The following PPIF variants were observed in gnomAD, a reference collection of about 807,000 sequenced individuals.
The protein encoded by PPIF is peptidyl-prolyl cis-trans isomerase F, mitochondrial.
PPIF carries 23 observed loss-of-function variants against 20.2 expected under a neutral mutation model. The observed-to-expected ratio is 1.14, with a 90% CI of 0.82 to 1.61. The LOEUF is 1.61. PPIF is among the 40% of genes most tolerant of loss of function. The pLI, the probability that PPIF is intolerant of heterozygous loss-of-function variation, is 0.00. For synonymous variants in PPIF, 113 were observed against 123.1 expected (o/e 0.92, Z 0.54); for missense variants, 287 against 291.6 (o/e 0.98, Z 0.11).
chr10:79,347,514 C>CT lies in PPIF; in HGVS notation c.-34dup. On this transcript the variant is annotated 5_prime_UTR_variant, in exon 1 of 6. Coordinates refer to ENST00000225174, the MANE Select transcript of PPIF (RefSeq NM_005729.4). ...GCGACGTCAGTTTGAGTTCTGTGTT[C>CT]TCCCCGCCCGTGTCCCGCCCGACCC... The CT allele has an allele frequency of 7.8e-7, 1 of 1,284,270 alleles. No individual in the cohort carries two copies. Among genetic ancestry groups the CT allele is most frequent in the East Asian group, 3.2e-5 (1 of 31,306 alleles). 79.6% of individuals were successfully genotyped at this position (1,284,270 alleles called of 1,614,324 possible). A position where few individuals can be genotyped will look rare whatever the true frequency, so the allele number is the denominator to read the frequency against.
At chr10:79,348,393 T>C (rs1466193880) in intron 1 of PPIF, among the ~76,000 whole-genome samples, 1 of 152,162 alleles carries the variant, frequency 6.6e-6, no homozygotes. Context: ...CCCCTAACTC[T>C]GTTTTTGGGT....
chr10:79,347,894 C>T (rs898844851), intron 1 of PPIF, 151 bp downstream of exon 1: 1 of 1,177,908 alleles, frequency 8.5e-7, no homozygotes. Context: ...TGAGAATGGG[C>T]GTCAGAATGA....
chr10:79,352,575 G>A (rs1855997799), intron 5 of PPIF, among the ~76,000 whole-genome samples, 183 bp downstream of exon 5: 1 of 152,244 alleles, frequency 6.6e-6, no homozygotes. Context: ...GGAGAATTGG[G>A]GTTGTTCCTG....
chr10:79,352,266 C>G (rs1343827650), intron 4 of PPIF, 51 bp from the exon 5 acceptor site: 2 of 1,541,468 alleles, frequency 1.3e-6, no homozygotes, highest in East Asian at 4.5e-5. Context: ...AATGCCCTCC[C>G]AGGCAGGTGC....
Position 79,354,278 on chromosome 10 carries a change from A to G in PPIF, c.*436A>G, listed in dbSNP as rs1412170708. The G allele has an allele frequency of 5.7e-6, 1 of 174,824 alleles. No individual in the cohort carries two copies. The highest frequency in any genetic ancestry group is 1.2e-5 in the Non-Finnish European group (1 of 80,984). 10.8% of individuals were successfully genotyped at this position (174,824 alleles called of 1,614,324 possible). A position where few individuals can be genotyped will look rare whatever the true frequency, so the allele number is the denominator to read the frequency against. ...AATTTAATTAACAAGATTGACTAGAAGTGAAACTGCAACACTAACTTCCCC... is the reference window on the plus strand; with the variant it reads ...AATTTAATTAACAAGATTGACTAGAGGTGAAACTGCAACACTAACTTCCCC... On this transcript the variant is annotated 3_prime_UTR_variant, in exon 6 of 6. Transcript: ENST00000225174.
chr10:79,348,520 G>A (rs7916151), intron 1 of PPIF, among the ~76,000 whole-genome samples: 1 of 152,276 alleles, frequency 6.6e-6, no homozygotes, highest in Non-Finnish European at 1.5e-5. Flanking sequence ...TGACTGGCCC[G>A]TATCCCAGGG....
At chr10:79,352,195 TG>T in intron 4 of PPIF, 121 bp from the exon 5 acceptor site, 3 of 851,864 alleles carry the variant, frequency 3.5e-6, no homozygotes, top group Non-Finnish European at 5.7e-6. Flanking sequence ...TCTCCTCTTC[TG>T]GGTCCCAGGA....
intron 5 of PPIF, among the ~76,000 whole-genome samples, chr10:79,352,961 T>C (rs943913283): frequency 6.6e-6 from 1 of 152,268 alleles, no homozygotes; most frequent in Non-Finnish European, 1.5e-5. Flanking sequence ...CTCTAAGGGA[T>C]AAATTTCTCT....
In PPIF at chr10:79,347,713, C is replaced by T. The variant is rs1187965747; in HGVS notation, c.165C>T (p.Asn55=). 2 of 1,452,062 alleles carry T rather than the reference C, an allele frequency of 1.4e-6. No homozygotes were observed. Among genetic ancestry groups the T allele is most frequent in the South Asian group, 1.4e-5 (1 of 69,922 alleles). 89.9% of individuals were successfully genotyped at this position (1,452,062 alleles called of 1,614,324 possible). The change falls in exon 1 of 6, where the codon AAC becomes AAT. Residue 55 remains asparagine, a synonymous_variant. Coordinates refer to ENST00000225174, the MANE Select transcript of PPIF (RefSeq NM_005729.4). ...TCGTGTACCTGGACGTGGACGCCAA[C>T]GGGAAGCCGCTCGGCCGCGTGGTGC... ...NPLVYLDVDA[N]GKPLGRVVLE...
In PPIF at chr10:79,351,443, G is replaced by A. The variant is rs56065461; in HGVS notation, c.316-44G>A. ...TGCCAGCGCCAGGGCCGTGGCCCCC[G>A]CCTGCTCCATGGTAGCCACTCAGAA... On this transcript the variant is annotated intron_variant, in intron 3 of 5. Transcript: ENST00000225174. 3.2e-3 allele frequency: 5,089 copies of A among 1,597,748 alleles called. 136 individuals carry two copies. In the African/African-American group the frequency reaches 0.058, roughly 18 times the overall value.
Position 79,347,578 on chromosome 10 carries a change from G to C in PPIF, c.30G>C (p.Trp10Cys). 7.2e-7 allele frequency: 1 copy of C among 1,386,664 alleles called. No homozygotes were observed. The highest frequency in any genetic ancestry group is 1.6e-5 in the South Asian group (1 of 61,936). 85.9% of individuals were successfully genotyped at this position (1,386,664 alleles called of 1,614,324 possible). Residue 10 changes from tryptophan (W) to cysteine (C), a missense_variant, in exon 1 of 6, where the codon TGG (tryptophan) becomes TGC (cysteine). By Grantham distance (215) the Trp-to-Cys change is radical. Transcript: ENST00000225174. MLALRCGSRWLGLLSVPRSV... is the reference protein window; with the variant it reads MLALRCGSRCLGLLSVPRSV... ...TGGCGCTGCGCTGCGGCTCCCGCTGGCTCGGCCTGCTCTCCGTCCCGCGCT... is the reference window on the plus strand; with the variant it reads ...TGGCGCTGCGCTGCGGCTCCCGCTGCCTCGGCCTGCTCTCCGTCCCGCGCT...
Position 79,354,331 on chromosome 10 carries a change from C to T in PPIF, c.*489C>T, listed in dbSNP as rs1856021517. ...GCTGTGGTGTGACCTGAGTTGGTGACACAGGCCACAGACCCCAGAGCTTGG... is the reference window on the plus strand; with the variant it reads ...GCTGTGGTGTGACCTGAGTTGGTGATACAGGCCACAGACCCCAGAGCTTGG... On this transcript the variant is annotated 3_prime_UTR_variant, in exon 6 of 6. Coordinates refer to ENST00000225174, the MANE Select transcript of PPIF (RefSeq NM_005729.4). 1 of 157,886 alleles carries T rather than the reference C, an allele frequency of 6.3e-6. No homozygotes were observed. Among genetic ancestry groups the T allele is most frequent in the Non-Finnish European group, 1.4e-5 (1 of 71,096 alleles). The allele number at this position is 157,886 out of a possible 1,614,324, so 9.8% of individuals were successfully genotyped here.
At chr10:79,349,524 G>T in intron 2 of PPIF, 141 bp from the exon 3 acceptor site, 2 of 1,453,354 alleles carry the variant, frequency 1.4e-6, no homozygotes, top group Non-Finnish European at 1.8e-6. Flanking sequence ...AGCGAGTTGG[G>T]CAGAGCAGAC....
chr10:79,349,171 G>A (rs937757907), intron 2 of PPIF, 65 bp downstream of exon 2: 2 of 1,612,860 alleles, frequency 1.2e-6, no homozygotes, highest in African/African-American at 1.3e-5. Flanking sequence ...AGGGCAAGGT[G>A]GGTGGCGTGA....
At chr10:79,353,514 G>A in intron 5 of PPIF, 193 bp from the exon 6 acceptor site, 1 of 929,338 alleles carries the variant, frequency 1.1e-6, no homozygotes, top group Non-Finnish European at 1.6e-6. Flanking sequence ...AATGTGTCCT[G>A]GAAGCCAGGC....
chr10:79,348,020 G>A (rs1216370374), intron 1 of PPIF, among the ~76,000 whole-genome samples: 1 of 152,166 alleles, frequency 6.6e-6, no homozygotes, highest in Non-Finnish European at 1.5e-5. Context: ...CTCTGGGCCG[G>A]CCCGGGCACG....
chr10:79,354,973 A>C lies in PPIF; in HGVS notation c.*1131A>C, dbSNP rs1856029565. 6.6e-6 allele frequency: 1 copy of C among 152,432 alleles called. No homozygotes were observed. Among genetic ancestry groups the C allele is most frequent in the Admixed American group, 6.5e-5 (1 of 15,282 alleles). 9.4% of individuals were successfully genotyped at this position (152,432 alleles called of 1,614,324 possible). ...CCCCAAGTCTGTTTCCCTCAGCTGC[A>C]TAAGGAGGCGATATAGTTTGAATAT... On this transcript the variant is annotated 3_prime_UTR_variant, in exon 6 of 6. Coordinates refer to ENST00000225174, the MANE Select transcript of PPIF (RefSeq NM_005729.4).
At position 79,353,947 on chromosome 10, in the gene PPIF, T is replaced by C; in HGVS notation, c.*105T>C. The C allele has an allele frequency of 1.6e-6, 2 of 1,282,958 alleles. No individual in the cohort carries two copies. Among genetic ancestry groups the C allele is most frequent in the Admixed American group, 4.1e-5 (2 of 49,060 alleles). The allele number at this position is 1,282,958 out of a possible 1,614,324, so 79.5% of individuals were successfully genotyped here. A position where few individuals can be genotyped will look rare whatever the true frequency, so the allele number is the denominator to read the frequency against. ...TGCCTGAAACGATACGTGTGCCCAC[T>C]CCACTGTCACAGTGTGCCTGAGGAA... On this transcript the variant is annotated 3_prime_UTR_variant, in exon 6 of 6. Transcript: ENST00000225174.
intron 5 of PPIF, 76 bp downstream of exon 5, chr10:79,352,468 G>C: frequency 6.7e-7 from 1 of 1,484,440 alleles, no homozygotes; most frequent in Non-Finnish European, 9.4e-7. Context: ...ACTTTTAGGG[G>C]CAGGCAGTTT....
Sources: allele counts gnomAD v4.1 joint callset (sites outside exome capture counted in the v4.1 genomes callset), GRCh38; gene constraint gnomAD v4.1.1; transcripts MANE v1.5; gene names NCBI Gene and HGNC (gene_info 2026-07-23, HGNC 2026-07-21).